The following SLC24A1 variants were observed in gnomAD, a reference collection of about 807,000 sequenced individuals.
SLC24A1 encodes the protein sodium/potassium/calcium exchanger 1.
In SLC24A1, 52 loss-of-function variants were observed where a neutral mutation model predicts 88.1. The ratio of observed to expected loss-of-function variants is 0.59; its 90% CI spans 0.47 to 0.74. The LOEUF is 0.74. Among genes scored for constraint, SLC24A1 ranks in the 30% least tolerant of loss-of-function variants. The pLI is 0.00. For synonymous variants in SLC24A1, 455 were observed against 498.0 expected, an observed-to-expected ratio of 0.91 and a Z score of 1.15; for missense variants, 1,173 against 1,363.3, an observed-to-expected ratio of 0.86 and a Z score of 2.20.
rs764426619 is a variant in SLC24A1, at chr15:65,625,122, C to T, written c.1042C>T (p.Pro348Ser). The T allele has an allele frequency of 1.2e-6, 2 of 1,613,652 alleles. No individual in the cohort carries two copies. The highest frequency in any genetic ancestry group is 1.3e-5 in the African/African-American group (1 of 75,054). The change falls in exon 2 of 10, where the codon CCT becomes TCT. Residue 348 changes from proline (P) to serine (S), a missense_variant. By Grantham distance (74) the Pro-to-Ser change is moderately conservative. Coordinates refer to ENST00000261892, the MANE Select transcript of SLC24A1 (RefSeq NM_004727.3). ...CACTGCTGCCTGGAGTCTTAGGAAT[C>T]CTTCACCCAGGACCAGTGTATCAGC... is the stretch of plus-strand genomic sequence containing the variant. ...AFTAAWSLRN[P>S]SPRTSVSAIK... is the part of the protein sequence containing the mutation.
chr15:65,627,118 A>T (rs990416589), intron 2 of SLC24A1, among the ~76,000 whole-genome samples: 2 of 152,226 alleles, frequency 1.3e-5, no homozygotes, highest in African/African-American at 4.8e-5. Flanking sequence ...AAGGGAGATT[A>T]AATGCACTTC....
At position 65,625,846 on chromosome 15, in the gene SLC24A1, T is replaced by C; in HGVS notation, c.1766T>C (p.Leu589Pro). 1.2e-6 allele frequency: 2 copies of C among 1,614,086 alleles called. No individual in the cohort carries two copies. Among genetic ancestry groups the C allele is most frequent in the Non-Finnish European group, 8.5e-7 (1 of 1,179,902 alleles). The change falls in exon 2 of 10, where the codon CTG (leucine) becomes CCG (proline). Residue 589 changes from leucine to proline, a missense_variant. Transcript: ENST00000261892. ...ATTGCCTGGTGGGAGAGCCTGCTGC[T>C]GCTGCTGGCCTATGCCTTCTATGTG... ...SLIAWWESLLLLLAYAFYVFT... is the reference protein window; with the variant it reads ...SLIAWWESLLPLLAYAFYVFT...
chr15:65,635,506 G>A (rs2074902231), intron 2 of SLC24A1, among the ~76,000 whole-genome samples: 1 of 151,456 alleles, frequency 6.6e-6, no homozygotes, highest in East Asian at 1.9e-4. Context: ...GTGAGGGTTG[G>A]ATGTGAGAAA....
chr15:65,617,188 G>T (rs2074174677), upstream of SLC24A1, among the ~76,000 whole-genome samples: 1 of 152,128 alleles, frequency 6.6e-6, no homozygotes, highest in African/African-American at 2.4e-5. Flanking sequence ...TTTTGCTTAG[G>T]ATTGATTGTC....
At chr15:65,660,119 A>T, downstream of SLC24A1, 1 of 550,120 alleles carries the variant, frequency 1.8e-6, no homozygotes, top group Non-Finnish European at 3.2e-6. Flanking sequence ...GAACAAGTAG[A>T]ACATGAAGCT....
intron 2 of SLC24A1, among the ~76,000 whole-genome samples, chr15:65,637,081 T>G (rs2074966528): frequency 1.3e-5 from 2 of 152,028 alleles, no homozygotes; most frequent in Non-Finnish European, 2.9e-5. Flanking sequence ...AGACAATTCA[T>G]GCAGTGAAAA....
chr15:65,630,699 G>GGT (rs1352337736), intron 2 of SLC24A1, among the ~76,000 whole-genome samples: 1 of 152,194 alleles, frequency 6.6e-6, no homozygotes. Flanking sequence ...GGCCAGGTGC[G>GGT]GTGGCTCACG....
intron 1 of SLC24A1, among the ~76,000 whole-genome samples, chr15:65,623,269 A>G (rs1405469617): frequency 1.3e-5 from 2 of 152,148 alleles, no homozygotes; most frequent in Non-Finnish European, 2.9e-5. Context: ...TATATATGTT[A>G]TCATGCCCAT....
chr15:65,638,299 C>T, intron 3 of SLC24A1, 118 bp downstream of exon 3: 1 of 722,932 alleles, frequency 1.4e-6, no homozygotes, highest in Non-Finnish European at 2.4e-6. Flanking sequence ...GCCTAGGAAA[C>T]TCCTGGGAGC....
At chr15:65,612,057 G>A (rs1566938947) in intron 1 of SLC24A1, 1 of 152,426 alleles carries the variant, frequency 6.6e-6, no homozygotes, top group Non-Finnish European at 1.5e-5. Context: ...GACAAGGCAT[G>A]CGTGCTCAGA....
At chr15:65,631,728 G>T (rs555804018) in intron 2 of SLC24A1, among the ~76,000 whole-genome samples, 1 of 152,204 alleles carries the variant, frequency 6.6e-6, no homozygotes, top group Non-Finnish European at 1.5e-5. Context: ...AGTAATTGTG[G>T]TTTTTGTCAT....
Position 65,613,876 on chromosome 15 carries a change from T to C in SLC24A1, c.-228+1263T>C, listed in dbSNP as rs2074053819. Among the ~76,000 whole-genome samples, 5 of 152,090 alleles carry C rather than the reference T, an allele frequency of 3.3e-5. No homozygotes were observed. The South Asian group carries it at 1.0e-3, about 32-fold the overall frequency. On this transcript the variant is annotated intron_variant, in intron 2 of 11. Transcript: ENST00000537259. Reference sequence around the variant, plus strand: ...GGTGGGGGAAGAGCAGTGGGCCTACTTCTCTTTTGCATTCTTCCCGCTCTT... The same window carrying C: ...GGTGGGGGAAGAGCAGTGGGCCTACCTCTCTTTTGCATTCTTCCCGCTCTT...
In SLC24A1 at chr15:65,647,132, A is replaced by G. The variant is rs189987598; in HGVS notation, c.2232+1429A>G. Among the ~76,000 whole-genome samples the G allele has an allele frequency of 2.6e-5, 4 of 152,224 alleles. No homozygotes were observed. In the East Asian group the frequency reaches 7.7e-4, roughly 29 times the overall value. On this transcript the variant is annotated intron_variant, in intron 6 of 9. Coordinates refer to ENST00000261892, the MANE Select transcript of SLC24A1 (RefSeq NM_004727.3). ...AGCACACATATAACCCCAAGCTACAATCCCAATCCTGCATCCACAGGAGAA... is the reference window on the plus strand; with the variant it reads ...AGCACACATATAACCCCAAGCTACAGTCCCAATCCTGCATCCACAGGAGAA...
intron 4 of SLC24A1, 21 bp from the exon 5 acceptor site, chr15:65,644,402 GATGT>G: frequency 9.4e-6 from 14 of 1,496,844 alleles, no homozygotes; most frequent in Non-Finnish European, 1.3e-5. Flanking sequence ...TTCCAGGTAA[GATGT>G]ATGTCCTGTC....
rs925092260 is a variant in SLC24A1, at chr15:65,650,617, G to C, written c.2468G>C (p.Gly823Ala). 3.2e-6 allele frequency: 5 copies of C among 1,551,184 alleles called. No individual in the cohort carries two copies. Among genetic ancestry groups the C allele is most frequent in the Middle Eastern group, 1.7e-4 (1 of 6,016 alleles). The change falls in exon 7 of 10, where the codon GGT becomes GCT. Residue 823 changes from glycine (G) to alanine (A), a missense_variant. By Grantham distance (60) the Gly-to-Ala change is moderately conservative. Transcript: ENST00000261892. The surrounding 1 kb of genome is among the most constrained non-coding windows in gnomAD (Gnocchi z 4.1). ...CACGCAGAAGATGGTGAAATGAAAG[G>C]TAATGAAGGTGAAACTGAAAGCCAG... is the stretch of plus-strand genomic sequence containing the variant. ...EIHAEDGEMKGNEGETESQEL... is the reference protein window; with the variant it reads ...EIHAEDGEMKANEGETESQEL...
rs73470071 is a variant in SLC24A1, at chr15:65,640,174, G to A, written c.2053+471G>A. Among the ~76,000 whole-genome samples, 463 of 152,278 alleles carry A rather than the reference G, an allele frequency of 3.0e-3. 1 individual carries two copies. The highest frequency in any genetic ancestry group is 0.011 in the African/African-American group (449 of 41,568). ...TCTTGTAGGGTCCCAAAGCCCAGAA[G>A]TTCTTAGTGGCACTTCCTTTTGCTT... On this transcript the variant is annotated intron_variant, in intron 4 of 9. Transcript: ENST00000261892.
intron 6 of SLC24A1, among the ~76,000 whole-genome samples, chr15:65,649,312 C>A (rs139566358): frequency 7.8e-4 from 118 of 152,220 alleles, no homozygotes; most frequent in African/African-American, 2.6e-3. Context: ...GTTGGCCAGG[C>A]TGGTCTCAAA....
downstream of SLC24A1, among the ~76,000 whole-genome samples, chr15:65,656,466 TAC>T (rs1205889511): frequency 6.6e-6 from 1 of 152,250 alleles, no homozygotes; most frequent in Non-Finnish European, 1.5e-5. Context: ...TAATTGGTTA[TAC>T]CTGGAAATTA....
At chr15:65,641,973 G>A (rs1157455870) in intron 4 of SLC24A1, among the ~76,000 whole-genome samples, 2 of 152,366 alleles carry the variant, frequency 1.3e-5, no homozygotes, top group East Asian at 3.9e-4. Flanking sequence ...CGAGTGCCCA[G>A]GAGCCAGCAG....
Sources: allele counts gnomAD v4.1 joint callset (sites outside exome capture counted in the v4.1 genomes callset), GRCh38; gene constraint gnomAD v4.1.1; non-coding constraint Gnocchi (gnomAD v3.1); transcripts MANE v1.5; gene names NCBI Gene and HGNC (gene_info 2026-07-23, HGNC 2026-07-21).